Variants in ARHGEF10L observed in about 807,000 individuals in gnomAD.
The protein encoded by ARHGEF10L is Rho guanine nucleotide exchange factor 10 like, also known as rho guanine nucleotide exchange factor 10-like protein.
Under a neutral mutation model 141.2 loss-of-function variants are expected in ARHGEF10L, and 69 were observed. That is an observed-to-expected ratio of 0.49 (90% CI 0.40 to 0.60). ARHGEF10L has a LOEUF of 0.60. Among genes scored for constraint, ARHGEF10L ranks in the 20% least tolerant of loss-of-function variants. The pLI, the probability that ARHGEF10L is intolerant of heterozygous loss-of-function variation, is 0.00. For synonymous variants in ARHGEF10L, 711 were observed against 718.5 expected, an observed-to-expected ratio of 0.99 and a Z score of 0.17; for missense variants, 1,482 against 1,734.3, an observed-to-expected ratio of 0.85 and a Z score of 2.58.
upstream of ARHGEF10L, among the ~76,000 whole-genome samples, chr1:17,534,808 C>T (rs2489616): frequency 0.051 from 7,750 of 152,050 alleles, 277 homozygotes; most frequent in Non-Finnish European, 0.077. Flanking sequence ...AGGCTGGTCT[C>T]AAACTCCTGA....
chr1:17,516,715 G>A, the ARHGEF10L span, among the ~76,000 whole-genome samples: 302 of 152,288 alleles, frequency 2.0e-3, 1 homozygote, highest in Admixed American at 3.6e-3. Flanking sequence ...GTGGGAGGGG[G>A]CAGCATCATC....
intron 8 of ARHGEF10L, among the ~76,000 whole-genome samples, chr1:17,614,612 C>T (rs1395666363): frequency 6.6e-6 from 1 of 152,074 alleles, no homozygotes; most frequent in African/African-American, 2.4e-5. Flanking sequence ...CCTCCCACCC[C>T]CCAACAAGAA....
At chr1:17,536,458 CAG>C (rs1228473776), upstream of ARHGEF10L, among the ~76,000 whole-genome samples, 1 of 152,088 alleles carries the variant, frequency 6.6e-6, no homozygotes, top group East Asian at 1.9e-4. Flanking sequence ...GCCTCAATGA[CAG>C]AGCAAGACTC....
intron 26 of ARHGEF10L, among the ~76,000 whole-genome samples, chr1:17,668,786 A>G (rs76796537): frequency 0.063 from 9,593 of 152,282 alleles, 808 homozygotes; most frequent in African/African-American, 0.18. Flanking sequence ...GCACAGTAAC[A>G]AGGTGATCGC....
At chr1:17,529,484 G>C in the ARHGEF10L span, among the ~76,000 whole-genome samples, 1 of 152,214 alleles carries the variant, frequency 6.6e-6, no homozygotes, top group Non-Finnish European at 1.5e-5. Context: ...CTCCACACAG[G>C]TGCTGTGGAT....
intron 27 of ARHGEF10L, chr1:17,694,158 G>C (rs71644066): frequency 0.026 from 3,986 of 152,412 alleles, 70 homozygotes; most frequent in Middle Eastern, 0.078. Context: ...ACCCAATGGA[G>C]AGTATCTGTG....
At chr1:17,671,139 A>G (rs1404091470) in intron 26 of ARHGEF10L, among the ~76,000 whole-genome samples, 4 of 152,218 alleles carry the variant, frequency 2.6e-5, no homozygotes, top group African/African-American at 9.6e-5. Flanking sequence ...CCTCTCAGCC[A>G]GTTAGGGGTG....
intron 8 of ARHGEF10L, 124 bp downstream of exon 8, chr1:17,613,298 T>TCAGGACA: frequency 3.9e-6 from 3 of 764,084 alleles, no homozygotes; most frequent in Non-Finnish European, 6.6e-6. Flanking sequence ...GTCCCAGGGC[T>TCAGGACA]GTCCTGAGAC....
chr1:17,551,782 C>T (rs1557696478), intron 1 of ARHGEF10L, among the ~76,000 whole-genome samples: 1 of 152,130 alleles, frequency 6.6e-6, no homozygotes. Flanking sequence ...AAGCAACTTG[C>T]CTGAGGTCTC....
chr1:17,631,711 A>G (rs1215920956), intron 15 of ARHGEF10L, among the ~76,000 whole-genome samples: 1 of 152,224 alleles, frequency 6.6e-6, no homozygotes, highest in Non-Finnish European at 1.5e-5. Context: ...GGTGCCCAGA[A>G]GGGCCCCATG....
intron 1 of ARHGEF10L, among the ~76,000 whole-genome samples, chr1:17,555,055 A>G (rs1430352716): frequency 6.6e-6 from 1 of 151,956 alleles, no homozygotes; most frequent in Non-Finnish European, 1.5e-5. Context: ...CCCAAGTCCC[A>G]CCTCCTCCTC....
intron 21 of ARHGEF10L, among the ~76,000 whole-genome samples, chr1:17,645,826 A>G (rs3766307): frequency 0.05 from 7,672 of 152,248 alleles, 355 homozygotes; most frequent in East Asian, 0.25. Flanking sequence ...TGGAGTGCGG[A>G]TAGAAGGACG....
chr1:17,668,774 C>T (rs900558796), intron 26 of ARHGEF10L, among the ~76,000 whole-genome samples: 17 of 152,260 alleles, frequency 1.1e-4, no homozygotes, highest in African/African-American at 4.1e-4. Context: ...CACAACCATT[C>T]GGCACAGTAA....
intron 1 of ARHGEF10L, among the ~76,000 whole-genome samples, chr1:17,576,132 T>C (rs908671075): frequency 2.0e-5 from 3 of 151,756 alleles, no homozygotes; most frequent in Non-Finnish European, 4.4e-5. Context: ...CAGGCCTCAT[T>C]CAGGTGGAAG....
chr1:17,563,634 G>A (rs2256482), intron 1 of ARHGEF10L, among the ~76,000 whole-genome samples: 8,071 of 152,262 alleles, frequency 0.053, 252 homozygotes, highest in Non-Finnish European at 0.064. Context: ...TGAATGAATG[G>A]TTGGATGAAT....
chr1:17,585,968 A>G (rs1171662118), intron 2 of ARHGEF10L, among the ~76,000 whole-genome samples: 1 of 152,194 alleles, frequency 6.6e-6, no homozygotes, highest in Non-Finnish European at 1.5e-5. Flanking sequence ...ACTCCTACCC[A>G]GTGGTTCTCT....
intron 11 of ARHGEF10L, among the ~76,000 whole-genome samples, chr1:17,622,478 T>C (rs2060156652): frequency 6.6e-6 from 1 of 152,066 alleles, no homozygotes; most frequent in African/African-American, 2.4e-5. Flanking sequence ...TTCCGGGCGG[T>C]TGTGGGCTAC....
intron 25 of ARHGEF10L, among the ~76,000 whole-genome samples, chr1:17,662,956 A>C (rs1300411110): frequency 1.3e-5 from 2 of 152,102 alleles, no homozygotes; most frequent in African/African-American, 4.8e-5. Context: ...GTCCCCCGCC[A>C]CTGCTGCCTG....
chr1:17,631,508 TTGGGGTGCAGGA>T (rs929443907), intron 15 of ARHGEF10L, among the ~76,000 whole-genome samples: 2 of 152,134 alleles, frequency 1.3e-5, no homozygotes, highest in African/African-American at 4.8e-5. Flanking sequence ...TTTCAACAGG[TTGGGGTGCAGGA>T]TGGGGTCCCC....
Sources: gnomAD v4.1 joint callset for allele counts (sites outside exome capture counted in the v4.1 genomes callset) on GRCh38, gnomAD v4.1.1 for gene constraint, MANE v1.5 for transcripts, NCBI Gene and HGNC (gene_info 2026-07-23, HGNC 2026-07-21) for gene names.